The following ABI2 variants were observed in gnomAD, a reference collection of about 807,000 sequenced individuals.
ABI2 encodes abl interactor 2.
ABI2 carries 25 observed loss-of-function variants against 59.2 expected under a neutral mutation model. The ratio of observed to expected loss-of-function variants is 0.42; its 90% confidence interval spans 0.31 to 0.59. ABI2 has a LOEUF of 0.59. Ranked by LOEUF, ABI2 falls within the 20% of genes least tolerant of loss-of-function variation. The pLI is 0.14. For missense variants in ABI2, 545 were observed against 681.8 expected, an observed-to-expected ratio of 0.80 and a Z score of 2.23; for synonymous variants, 213 against 235.5, an observed-to-expected ratio of 0.90 and a Z score of 0.87.
intron 1 of ABI2, among the ~76,000 whole-genome samples, chr2:203,358,526 A>G (rs1408091266): frequency 6.6e-6 from 1 of 152,176 alleles, no homozygotes; most frequent in Non-Finnish European, 1.5e-5. Flanking sequence ...AGGAACAGGA[A>G]TCACTGGAAT....
chr2:203,420,583 C>T (rs1415719560), intron 11 of ABI2, among the ~76,000 whole-genome samples: 1 of 152,002 alleles, frequency 6.6e-6, no homozygotes, highest in Non-Finnish European at 1.5e-5. Context: ...TTAGTAGAGA[C>T]AGGGTTTCAC....
At chr2:203,409,414 A>G (rs932337202) in intron 9 of ABI2, among the ~76,000 whole-genome samples, 1 of 152,162 alleles carries the variant, frequency 6.6e-6, no homozygotes, top group African/African-American at 2.4e-5. Flanking sequence ...GCATCTATCC[A>G]TAGCATCAAC....
chr2:203,346,547 C>T (rs1006421660), intron 1 of ABI2, among the ~76,000 whole-genome samples: 1 of 152,218 alleles, frequency 6.6e-6, no homozygotes, highest in Non-Finnish European at 1.5e-5. Flanking sequence ...TTTCCCTTGT[C>T]ATAATTCCTG....
intron 11 of ABI2, among the ~76,000 whole-genome samples, chr2:203,423,581 A>G (rs1043486128): frequency 1.3e-5 from 2 of 152,182 alleles, no homozygotes; most frequent in South Asian, 2.1e-4. Context: ...GCCGGCCACC[A>G]TGCCTGCTAA....
intron 4 of ABI2, among the ~76,000 whole-genome samples, chr2:203,385,786 A>G (rs934321659): frequency 1.3e-5 from 2 of 152,188 alleles, no homozygotes; most frequent in Non-Finnish European, 2.9e-5. Context: ...TTTTGACAAA[A>G]GCCAGTTGTT....
At chr2:203,394,575 TG>T in intron 5 of ABI2, 124 bp from the exon 6 acceptor site, 1 of 900,940 alleles carries the variant, frequency 1.1e-6, no homozygotes. Flanking sequence ...AATTGGTAGC[TG>T]GGTTATGTTA....
intron 10 of ABI2, 110 bp downstream of exon 10, chr2:203,411,481 T>G: frequency 1.2e-6 from 1 of 850,270 alleles, no homozygotes; most frequent in Non-Finnish European, 1.9e-6. Context: ...CATTTCAATA[T>G]TATGAACAAA....
At chr2:203,354,515 C>T (rs983343253) in intron 1 of ABI2, among the ~76,000 whole-genome samples, 1 of 152,138 alleles carries the variant, frequency 6.6e-6, no homozygotes, top group Non-Finnish European at 1.5e-5. Context: ...TCAAGACCTT[C>T]GAAGGGACTG....
chr2:203,415,070 A>T (rs2097837326), intron 10 of ABI2, among the ~76,000 whole-genome samples: 1 of 152,234 alleles, frequency 6.6e-6, no homozygotes, highest in Non-Finnish European at 1.5e-5. Context: ...AGTTGTTTAA[A>T]GTCAGTCTTT....
intron 2 of ABI2, chr2:203,367,445 G>T (rs2094565509): frequency 6.7e-6 from 1 of 150,230 alleles, no homozygotes; most frequent in Non-Finnish European, 1.5e-5. Flanking sequence ...TACTGGGATG[G>T]TACCATACCT....
intron 8 of ABI2, among the ~76,000 whole-genome samples, chr2:203,401,031 T>C (rs1393293665): frequency 6.6e-6 from 1 of 152,180 alleles, no homozygotes; most frequent in Admixed American, 6.5e-5. Context: ...TTAAAAAATT[T>C]CAGGATAACC....
Position 203,413,119 on chromosome 2 carries a change from T to A in ABI2, c.1279+1748T>A, listed in dbSNP as rs549444254. 2.1e-3 allele frequency among the ~76,000 whole-genome samples: 327 copies of A among 152,356 alleles called. 2 individuals carry two copies. Among genetic ancestry groups the A allele is most frequent in the African/African-American group, 7.3e-3 (305 of 41,588 alleles). On this transcript the variant is annotated intron_variant, in intron 10 of 11. Coordinates refer to ENST00000261018, the MANE Select transcript of ABI2 (RefSeq NM_001375670.1). ...GCCAATCAATTGCTACTGCATGTTC[T>A]GTGAGATGTTGTCATTCATTTTGAA... is the stretch of plus-strand genomic sequence containing the variant.
At position 203,394,704 on chromosome 2, in the gene ABI2, C is replaced by T. The variant is rs2096904150; in HGVS notation, c.583C>T (p.His195Tyr). 1 of 1,613,360 alleles carries T rather than the reference C, an allele frequency of 6.2e-7. No homozygotes were observed. Among genetic ancestry groups the T allele is most frequent in the Non-Finnish European group, 8.5e-7 (1 of 1,179,806 alleles). ...PMSGKGTLGR[H>Y]SPYRTLEPVR... ...CATACGCTCTTCTTTTTGTAGGCGG[C>T]ACTCCCCCTATCGCACACTGGAGCC... Residue 195 changes from histidine (H) to tyrosine (Y), a missense_variant, in exon 6 of 12, where the codon CAC becomes TAC. Physicochemically the swap from His to Tyr is moderately conservative, Grantham distance 83 (BLOSUM62 2). Coordinates refer to ENST00000261018, the MANE Select transcript of ABI2 (RefSeq NM_001375670.1).
chr2:203,355,710 A>G (rs1381953212), intron 1 of ABI2, among the ~76,000 whole-genome samples: 2 of 151,558 alleles, frequency 1.3e-5, no homozygotes, highest in Admixed American at 1.3e-4. Context: ...GCACGCCTGT[A>G]ATCCCAGCTA....
intron 1 of ABI2, among the ~76,000 whole-genome samples, chr2:203,354,498 C>T (rs1463786696): frequency 6.6e-6 from 1 of 152,148 alleles, no homozygotes; most frequent in Non-Finnish European, 1.5e-5. Context: ...CAGTAAACTA[C>T]CAATTGTCAA....
chr2:203,382,008 T>A (rs970519945), intron 3 of ABI2, among the ~76,000 whole-genome samples, 181 bp from the exon 4 acceptor site: 5 of 152,200 alleles, frequency 3.3e-5, no homozygotes, highest in Non-Finnish European at 7.4e-5. Flanking sequence ...GAGAAACTTC[T>A]GTTCATGACA....
chr2:203,373,228 AG>A (rs1030262761), intron 2 of ABI2, among the ~76,000 whole-genome samples: 2 of 152,182 alleles, frequency 1.3e-5, no homozygotes, highest in African/African-American at 4.8e-5. Context: ...CGGGAGGCCG[AG>A]GCTGGCGGAT....
intron 9 of ABI2, among the ~76,000 whole-genome samples, chr2:203,406,788 C>T (rs12693989): frequency 0.21 from 32,244 of 151,918 alleles, 3,820 homozygotes; most frequent in Non-Finnish European, 0.26. Context: ...CTCAGCCTCC[C>T]GAGTAGTTGG....
intron 1 of ABI2, among the ~76,000 whole-genome samples, chr2:203,353,291 A>G (rs945157071): frequency 6.6e-6 from 1 of 152,228 alleles, no homozygotes; most frequent in African/African-American, 2.4e-5. Flanking sequence ...TACATTTAAA[A>G]TTACATTTTG....
Sources: gnomAD v4.1 joint callset for allele counts (sites outside exome capture counted in the v4.1 genomes callset) on GRCh38, gnomAD v4.1.1 for gene constraint, MANE v1.5 for transcripts, NCBI Gene and HGNC (gene_info 2026-07-23, HGNC 2026-07-21) for gene names.